The following TRPC7 variants were observed in gnomAD, a reference collection of about 807,000 sequenced individuals.
The protein encoded by TRPC7 is short transient receptor potential channel 7.
In TRPC7, 42 loss-of-function variants were observed where a neutral mutation model predicts 90.1. The ratio of observed to expected loss-of-function variants is 0.47; its 90% CI spans 0.36 to 0.60. The LOEUF (loss-of-function observed/expected upper bound fraction) is 0.60. TRPC7 is among the 20% of genes least tolerant of loss of function. The pLI is 0.00. For missense variants in TRPC7, 955 were observed against 1,112.3 expected (o/e 0.86, Z 2.01); for synonymous variants, 451 against 436.3 (o/e 1.03, Z -0.42).
At chr5:136,358,050 G>A (rs1483611192) in intron 1 of TRPC7, among the ~76,000 whole-genome samples, 4 of 152,136 alleles carry the variant, frequency 2.6e-5, no homozygotes, top group Admixed American at 6.5e-5. Flanking sequence ...ACACGTGTCC[G>A]TTTCTACATT....
At chr5:136,328,801 G>A (rs1299488205) in intron 2 of TRPC7, among the ~76,000 whole-genome samples, 1 of 152,228 alleles carries the variant, frequency 6.6e-6, no homozygotes, top group Non-Finnish European at 1.5e-5. Context: ...TTTGGGGGTT[G>A]ATCTTCAAGT....
intron 8 of TRPC7, among the ~76,000 whole-genome samples, chr5:136,228,436 C>CTTTTT (rs55851435): frequency 1.3e-3 from 182 of 140,592 alleles, no homozygotes; most frequent in African/African-American, 4.3e-3. Flanking sequence ...TTTATAGTTC[C>CTTTTT]TTTTTTTTTT....
intron 1 of TRPC7, among the ~76,000 whole-genome samples, chr5:136,358,844 T>C (rs1760471695): frequency 1.3e-5 from 2 of 152,220 alleles, no homozygotes; most frequent in Admixed American, 6.5e-5. Flanking sequence ...CTACCTCCAC[T>C]CACATTATTC....
At chr5:136,335,652 C>A (rs940918087) in intron 2 of TRPC7, among the ~76,000 whole-genome samples, 5 of 151,826 alleles carry the variant, frequency 3.3e-5, no homozygotes, top group African/African-American at 1.2e-4. Flanking sequence ...GCCTGTAATC[C>A]CAGCACTTTG....
intron 5 of TRPC7, among the ~76,000 whole-genome samples, chr5:136,259,286 A>AC (rs1756779092): frequency 6.6e-6 from 1 of 152,216 alleles, no homozygotes; most frequent in Admixed American, 6.5e-5. Flanking sequence ...CTTGTTGTCC[A>AC]CTGTGCTGTC....
chr5:136,264,439 A>C (rs983201645), intron 5 of TRPC7, among the ~76,000 whole-genome samples: 1 of 152,204 alleles, frequency 6.6e-6, no homozygotes, highest in African/African-American at 2.4e-5. Context: ...AATTTAGTTA[A>C]ACAATGGCGT....
At chr5:136,352,632 A>G (rs2149858883) in intron 2 of TRPC7, among the ~76,000 whole-genome samples, 1 of 152,288 alleles carries the variant, frequency 6.6e-6, no homozygotes, top group African/African-American at 2.4e-5. Context: ...ACAAGGATGA[A>G]GCACTTCTGA....
At chr5:136,336,479 G>A (rs1329050220) in intron 2 of TRPC7, among the ~76,000 whole-genome samples, 4 of 151,454 alleles carry the variant, frequency 2.6e-5, no homozygotes, top group Non-Finnish European at 2.9e-5. Flanking sequence ...GTAGAAATGA[G>A]AAGCAGAAAG....
intron 3 of TRPC7, among the ~76,000 whole-genome samples, chr5:136,287,686 T>TAAA: frequency 2.5e-5 from 1 of 40,770 alleles, no homozygotes. Flanking sequence ...GAGTGGATGC[T>TAAA]CAAAAAAAAA....
At position 136,356,731 on chromosome 5, in the gene TRPC7, C is replaced by A. The variant is rs978694250; in HGVS notation, c.657G>T (p.Met219Ile). The A allele has an allele frequency of 3.1e-6, 5 of 1,612,366 alleles. No homozygotes were observed. The African/African-American group carries it at 4.0e-5, about 13-fold the overall frequency. Reference protein sequence around the residue: ...KDSFSHSRSRMNAYKGLASAA... With the variant: ...KDSFSHSRSRINAYKGLASAA... ...CACTCGCCAGTCCTTTGTAGGCGTTCATGCGCGAGCGCGAGTGGCTGAAGG... is the reference window on the plus strand; with the variant it reads ...CACTCGCCAGTCCTTTGTAGGCGTTAATGCGCGAGCGCGAGTGGCTGAAGG... The change falls in exon 2 of 12, where the codon ATG becomes ATT. Residue 219 changes from methionine (M) to isoleucine (I), a missense_variant. Coordinates refer to ENST00000513104, the MANE Select transcript of TRPC7 (RefSeq NM_020389.3).
intron 5 of TRPC7, among the ~76,000 whole-genome samples, chr5:136,252,534 A>G (rs1211717246): frequency 6.6e-6 from 1 of 151,092 alleles, no homozygotes; most frequent in Non-Finnish European, 1.5e-5. Context: ...ACAAAATGTT[A>G]CTAGTTTCCC....
chr5:136,269,332 G>A (rs910584057), intron 4 of TRPC7, among the ~76,000 whole-genome samples: 8 of 152,220 alleles, frequency 5.3e-5, no homozygotes, highest in African/African-American at 1.9e-4. Context: ...ACTGAAGAGT[G>A]CCCCTGAATT....
chr5:136,295,621 G>A (rs762373395), intron 3 of TRPC7, among the ~76,000 whole-genome samples: 7 of 152,074 alleles, frequency 4.6e-5, no homozygotes, highest in East Asian at 1.9e-4. Context: ...TTAACACCAC[G>A]TCCTCTAGGC....
At chr5:136,324,258 A>G (rs1759279868) in intron 2 of TRPC7, among the ~76,000 whole-genome samples, 1 of 152,164 alleles carries the variant, frequency 6.6e-6, no homozygotes, top group African/African-American at 2.4e-5. Flanking sequence ...CCTTGAATAA[A>G]CACCTAGTTC....
At chr5:136,280,585 C>T (rs1757518040) in intron 3 of TRPC7, among the ~76,000 whole-genome samples, 1 of 152,124 alleles carries the variant, frequency 6.6e-6, no homozygotes, top group Admixed American at 6.5e-5. Context: ...CACATCTTTA[C>T]TAAAAGGCAG....
At chr5:136,306,957 T>G (rs936489394) in intron 3 of TRPC7, among the ~76,000 whole-genome samples, 4 of 152,296 alleles carry the variant, frequency 2.6e-5, no homozygotes, top group African/African-American at 9.6e-5. Context: ...TGCACCCAGG[T>G]GAAATAAACA....
At chr5:136,227,187 G>A (rs1755655624) in intron 8 of TRPC7, among the ~76,000 whole-genome samples, 1 of 152,048 alleles carries the variant, frequency 6.6e-6, no homozygotes, top group Admixed American at 6.6e-5. Context: ...ATGCTAAGTG[G>A]GCCCCTGAGA....
rs1172454647 is a variant in TRPC7 at position 136,213,120 on chromosome 5, T to G, written c.*315A>C. Among the ~76,000 whole-genome samples the G allele has an allele frequency of 6.6e-6, 1 of 152,158 alleles. No individual in the cohort carries two copies. The highest frequency in any genetic ancestry group is 6.5e-5 in the Admixed American group (1 of 15,282). ...GGAGGGCACAGGTGTGCACCCAAGATGGCCTTTTCCTGCTCTGGCCACAGG... is the reference window on the plus strand; with the variant it reads ...GGAGGGCACAGGTGTGCACCCAAGAGGGCCTTTTCCTGCTCTGGCCACAGG... On this transcript the variant is annotated 3_prime_UTR_variant, in exon 12 of 12. Coordinates refer to ENST00000513104, the MANE Select transcript of TRPC7 (RefSeq NM_020389.3).
intron 5 of TRPC7, among the ~76,000 whole-genome samples, chr5:136,263,736 A>G (rs1372707692): frequency 6.6e-6 from 1 of 152,264 alleles, no homozygotes; most frequent in African/African-American, 2.4e-5. Context: ...AAGCACAGAA[A>G]GAAGAAAGAC....
Sources: allele counts gnomAD v4.1 joint callset (sites outside exome capture counted in the v4.1 genomes callset), GRCh38; gene constraint gnomAD v4.1.1; transcripts MANE v1.5; gene names NCBI Gene and HGNC (gene_info 2026-07-23, HGNC 2026-07-21).